The following ASB4 variants were observed in gnomAD, a reference collection of about 807,000 sequenced individuals.
The protein encoded by ASB4 is ankyrin repeat and SOCS box protein 4.
ASB4 carries 35 observed loss-of-function variants against 38.6 expected under a neutral mutation model. The observed-to-expected ratio is 0.91, with a 90% CI of 0.69 to 1.20. The LOEUF (loss-of-function observed/expected upper bound fraction) is 1.20, where lower values mean the gene tolerates loss of function less well. ASB4 is among the 50% of genes most tolerant of loss of function. ASB4 has a pLI of 0.00. For missense variants in ASB4, 557 were observed against 527.2 expected (o/e 1.06, Z -0.55); for synonymous variants, 195 against 201.3 (o/e 0.97, Z 0.26).
intron 2 of ASB4, among the ~76,000 whole-genome samples, chr7:95,512,859 G>A (rs775089807): frequency 5.3e-5 from 8 of 152,262 alleles, no homozygotes; most frequent in South Asian, 2.1e-4. Context: ...GAAGAAAAAC[G>A]ACCCTCCAAA....
Position 95,488,191 on chromosome 7 carries a change from A to G in ASB4, c.187+2033A>G, listed in dbSNP as rs184386600. 2.4e-3 allele frequency among the ~76,000 whole-genome samples: 364 copies of G among 152,288 alleles called. 7 individuals carry two copies. In the South Asian group the frequency reaches 0.047, roughly 20 times the overall value. On this transcript the variant is annotated intron_variant, in intron 1 of 4. Transcript: ENST00000325885. Reference sequence around the variant, plus strand: ...CCCATTTCTACTAAAAATACAAAAAATTAGCCAGGCGCGGTGGCGGCCGCC... The same window carrying G: ...CCCATTTCTACTAAAAATACAAAAAGTTAGCCAGGCGCGGTGGCGGCCGCC...
At chr7:95,511,400 C>T (rs1790478594) in intron 2 of ASB4, among the ~76,000 whole-genome samples, 1 of 152,070 alleles carries the variant, frequency 6.6e-6, no homozygotes, top group Non-Finnish European at 1.5e-5. Flanking sequence ...TTAAGAGGGC[C>T]ACACCAACCA....
rs1790931193 is a variant in ASB4, at chr7:95,538,784, A to T, written c.*1025A>T. Reference sequence around the variant, plus strand: ...GTGCATGTGACAAGGAAGCATAGGAAAATGGGGGAAAGAAAGTGTGTGAGG... The same window carrying T: ...GTGCATGTGACAAGGAAGCATAGGATAATGGGGGAAAGAAAGTGTGTGAGG... On this transcript the variant is annotated 3_prime_UTR_variant, in exon 5 of 5. Coordinates refer to ENST00000325885, the MANE Select transcript of ASB4 (RefSeq NM_016116.3). 6.6e-6 allele frequency: 1 copy of T among 152,190 alleles called. No homozygotes were observed. The highest frequency in any genetic ancestry group is 6.6e-5 in the Admixed American group (1 of 15,266). The allele number at this position is 152,190 out of a possible 1,614,324, so 9.4% of individuals were successfully genotyped here.
the ASB4 span, among the ~76,000 whole-genome samples, chr7:95,547,301 T>G: frequency 6.6e-6 from 1 of 152,208 alleles, no homozygotes; most frequent in Admixed American, 6.5e-5. Flanking sequence ...TTCTAGTAAA[T>G]TCCTATCTCC....
chr7:95,535,975 G>T (rs993751906), intron 3 of ASB4, among the ~76,000 whole-genome samples: 2 of 152,182 alleles, frequency 1.3e-5, no homozygotes, highest in Non-Finnish European at 2.9e-5. Context: ...AGGCAGCTGG[G>T]AATGTATTCT....
intron 1 of ASB4, 94 bp downstream of exon 1, chr7:95,486,252 G>T: frequency 1.1e-6 from 1 of 912,134 alleles, no homozygotes. Context: ...AGTTTTTATT[G>T]TTTCTTTAAG....
At chr7:95,484,424 TA>T (rs1216840293), upstream of ASB4, among the ~76,000 whole-genome samples, 1 of 152,206 alleles carries the variant, frequency 6.6e-6, no homozygotes, top group Non-Finnish European at 1.5e-5. Flanking sequence ...GAAGAGGACA[TA>T]AAGGGGGCTT....
At chr7:95,503,976 C>T (rs149719385) in intron 2 of ASB4, among the ~76,000 whole-genome samples, 205 of 152,284 alleles carry the variant, frequency 1.3e-3, no homozygotes, top group Non-Finnish European at 2.4e-3. Flanking sequence ...TTAATGCCCC[C>T]ATCTCCTGGC....
chr7:95,488,129 C>T (rs1216861887), intron 1 of ASB4, among the ~76,000 whole-genome samples: 1 of 152,166 alleles, frequency 6.6e-6, no homozygotes, highest in African/African-American at 2.4e-5. Context: ...ATCACGAGGT[C>T]AGGAGATAGA....
upstream of ASB4, among the ~76,000 whole-genome samples, chr7:95,477,400 A>G (rs1229096078): frequency 6.6e-6 from 1 of 152,258 alleles, no homozygotes; most frequent in African/African-American, 2.4e-5. Flanking sequence ...CAAAAAATAT[A>G]TAAAATAATA....
chr7:95,527,149 T>G (rs1466907767), intron 2 of ASB4, among the ~76,000 whole-genome samples: 1 of 152,118 alleles, frequency 6.6e-6, no homozygotes, highest in Admixed American at 6.5e-5. Context: ...ATATAACCTT[T>G]AGGCTAGTTT....
At chr7:95,530,438 C>T (rs1377004447) in intron 3 of ASB4, among the ~76,000 whole-genome samples, 1 of 152,156 alleles carries the variant, frequency 6.6e-6, no homozygotes, top group African/African-American at 2.4e-5. Flanking sequence ...GCACTTCACC[C>T]TGGGTGACAG....
intron 2 of ASB4, among the ~76,000 whole-genome samples, chr7:95,510,219 A>G (rs962163717): frequency 3.3e-5 from 5 of 152,206 alleles, no homozygotes; most frequent in Admixed American, 2.6e-4. Context: ...AATGAGTCCC[A>G]TCAAGGCAAT....
chr7:95,543,278 T>A (rs1790993426), downstream of ASB4: 1 of 152,276 alleles, frequency 6.6e-6, no homozygotes, highest in Admixed American at 6.5e-5. Context: ...ATCAACTGAC[T>A]CCCTGTCGCC....
chr7:95,484,102 A>C (rs1790051108), upstream of ASB4, among the ~76,000 whole-genome samples: 1 of 151,210 alleles, frequency 6.6e-6, no homozygotes, highest in African/African-American at 2.4e-5. Flanking sequence ...CTGAGGCAGG[A>C]GGTTCGCTTA....
chr7:95,510,063 G>A (rs1226844907), intron 2 of ASB4, among the ~76,000 whole-genome samples: 1 of 152,046 alleles, frequency 6.6e-6, no homozygotes, highest in African/African-American at 2.4e-5. Flanking sequence ...AAGCTTAAAT[G>A]CTATATCAGA....
At chr7:95,478,858 G>C (rs891352016) in intron 1 of ASB4, among the ~76,000 whole-genome samples, 1 of 152,190 alleles carries the variant, frequency 6.6e-6, no homozygotes, top group African/African-American at 2.4e-5. Flanking sequence ...CATGCTCCCA[G>C]TATGTAATTA....
intron 2 of ASB4, among the ~76,000 whole-genome samples, chr7:95,515,165 T>TTCTC (rs1318538783): frequency 2.4e-5 from 2 of 81,824 alleles, no homozygotes; most frequent in Admixed American, 1.2e-4. Flanking sequence ...TTCTTTCTCT[T>TTCTC]TCTCTTTCTT....
exon 1 of ASB4, chr7:95,478,505 C>G (rs1366412109): frequency 6.6e-6 from 1 of 152,142 alleles, no homozygotes; most frequent in Non-Finnish European, 1.5e-5. Context: ...TTATGTCAAT[C>G]CAGCCATTCT....
Sources: allele counts gnomAD v4.1 joint callset (sites outside exome capture counted in the v4.1 genomes callset), GRCh38; gene constraint gnomAD v4.1.1; transcripts MANE v1.5; gene names NCBI Gene and HGNC (gene_info 2026-07-23, HGNC 2026-07-21).